The following RUFY3 variants were observed in gnomAD, a reference collection of about 807,000 sequenced individuals.
RUFY3 encodes the protein protein RUFY3.
Under a neutral mutation model 84.0 loss-of-function variants are expected in RUFY3, and 34 were observed. That is an observed-to-expected ratio of 0.40 (90% CI 0.31 to 0.54). RUFY3 has a LOEUF of 0.54. Ranked by LOEUF, RUFY3 falls within the 20% of genes least tolerant of loss-of-function variation. The pLI, the probability that RUFY3 is intolerant of heterozygous loss-of-function variation, is 0.39. For synonymous variants in RUFY3, 242 were observed against 252.9 expected (o/e 0.96, Z 0.41); for missense variants, 507 against 736.8 (o/e 0.69, Z 3.61).
At chr4:70,798,693 A>G (rs1731836954) in intron 14 of RUFY3, among the ~76,000 whole-genome samples, 2 of 152,068 alleles carry the variant, frequency 1.3e-5, no homozygotes, top group Non-Finnish European at 2.9e-5. Context: ...GAGGCCAGAG[A>G]ATCGCTTGAA....
rs1731161014 is a variant in RUFY3, at chr4:70,793,771, T to TG, written c.1338-12dup. The TG allele has an allele frequency of 6.2e-7, 1 of 1,613,940 alleles. No homozygotes were observed. The highest frequency in any genetic ancestry group is 1.3e-5 in the African/African-American group (1 of 75,046). On this transcript the variant is annotated splice_polypyrimidine_tract_variant and intron_variant, in intron 12 of 17. Coordinates refer to ENST00000381006, the MANE Select transcript of RUFY3 (RefSeq NM_001037442.4). ...TTTTGTTTTTTATCACAAGTTCATGTGGCTCACATCCAGATTGCGCCAGGC... is the reference window on the plus strand; with the variant it reads ...TTTTGTTTTTTATCACAAGTTCATGTGGGCTCACATCCAGATTGCGCCAGGC...
intron 1 of RUFY3, among the ~76,000 whole-genome samples, chr4:70,724,062 A>G (rs1717819307): frequency 6.6e-6 from 1 of 152,290 alleles, no homozygotes; most frequent in Non-Finnish European, 1.5e-5. Flanking sequence ...CTTTGGCTGT[A>G]TGTTTCGTTA....
intron 1 of RUFY3, among the ~76,000 whole-genome samples, chr4:70,708,145 A>G (rs1365737763): frequency 6.6e-6 from 1 of 152,200 alleles, no homozygotes; most frequent in African/African-American, 2.4e-5. Flanking sequence ...AATAAAATAC[A>G]TGAACACTTG....
intron 1 of RUFY3, among the ~76,000 whole-genome samples, chr4:70,733,159 AGAGAG>A (rs1560464354): frequency 2.2e-3 from 328 of 146,170 alleles, no homozygotes; most frequent in African/African-American, 8.5e-3. Flanking sequence ...AGAGAGAGAG[AGAGAG>A]AGAAAGAAAG....
Position 70,800,200 on chromosome 4 carries a change from C to A in RUFY3, c.1617C>A (p.Ser539Arg), listed in dbSNP as rs371881863. 3.1e-6 allele frequency: 5 copies of A among 1,601,594 alleles called. No homozygotes were observed. The African/African-American group carries it at 4.0e-5, about 13-fold the overall frequency. ...AACTAAAAAAGCCCCTGGAAGAAAG[C>A]CACAGGTGTTTGTTAATCAAGTATT... ...NVKLKKPLEE[S>R]HRLQPHPMDE... is the part of the protein sequence containing the mutation. The change falls in exon 15 of 18, where the codon AGC becomes AGA. Residue 539 changes from serine to arginine, a missense_variant. This residue lies in a region of RUFY3 where 334 missense variants were observed against 364.1 expected (regional missense o/e 0.92). Transcript: ENST00000381006.
chr4:70,787,587 G>A (rs1228723090), intron 10 of RUFY3, among the ~76,000 whole-genome samples: 2 of 151,908 alleles, frequency 1.3e-5, no homozygotes, highest in Admixed American at 1.3e-4. Context: ...TGAAAACAAA[G>A]CGATATTATT....
chr4:70,791,560 C>CAT, intron 12 of RUFY3: 1 of 1,276,076 alleles, frequency 7.8e-7, no homozygotes, highest in Non-Finnish European at 9.9e-7. Context: ...TCTGAGTTGA[C>CAT]CAATAAATAA....
intron 15 of RUFY3, among the ~76,000 whole-genome samples, chr4:70,801,135 C>T (rs547931434): frequency 4.5e-4 from 63 of 138,928 alleles, no homozygotes; most frequent in Non-Finnish European, 7.8e-4. Context: ...AGTTACATGA[C>T]ATTCTGGAAA....
intron 1 of RUFY3, among the ~76,000 whole-genome samples, chr4:70,726,572 C>T (rs1466257283): frequency 1.3e-5 from 2 of 152,182 alleles, no homozygotes; most frequent in Non-Finnish European, 2.9e-5. Flanking sequence ...AGGGTTTCTC[C>T]ATGTTGGTCA....
At chr4:70,765,205 A>AGG (rs1265201116) in intron 4 of RUFY3, among the ~76,000 whole-genome samples, 1 of 130,870 alleles carries the variant, frequency 7.6e-6, no homozygotes, top group African/African-American at 2.9e-5. Context: ...AAAAAAAAAA[A>AGG]TGTGTATATA....
intron 8 of RUFY3, among the ~76,000 whole-genome samples, chr4:70,782,842 GCAGAGGTTA>G (rs1212533436): frequency 6.6e-6 from 1 of 152,082 alleles, no homozygotes; most frequent in Non-Finnish European, 1.5e-5. Context: ...GAACCAGGAG[GCAGAGGTTA>G]CAGTGACCCG....
At chr4:70,771,215 C>T (rs1382250043) in intron 5 of RUFY3, among the ~76,000 whole-genome samples, 1 of 152,008 alleles carries the variant, frequency 6.6e-6, no homozygotes, top group Non-Finnish European at 1.5e-5. Flanking sequence ...AAAAATGGCA[C>T]TAATATACTT....
chr4:70,800,217 T>C lies in RUFY3; in HGVS notation c.1622+12T>C. The C allele has an allele frequency of 1.3e-6, 2 of 1,593,664 alleles. No individual in the cohort carries two copies. Among genetic ancestry groups the C allele is most frequent in the Non-Finnish European group, 1.7e-6 (2 of 1,172,390 alleles). On this transcript the variant is annotated intron_variant, in intron 15 of 17. Transcript: ENST00000381006. ...GAAGAAAGCCACAGGTGTTTGTTAA[T>C]CAAGTATTAACTAAGATGTAAAGTT...
At chr4:70,711,175 T>C (rs1460242398) in intron 1 of RUFY3, among the ~76,000 whole-genome samples, 1 of 149,988 alleles carries the variant, frequency 6.7e-6, no homozygotes, top group Non-Finnish European at 1.5e-5. Flanking sequence ...CCCAGGCTGG[T>C]CTTGGACTCC....
Position 70,773,492 on chromosome 4 carries a change from C to T in RUFY3, c.697-19C>T, listed in dbSNP as rs1727328095. 1.3e-6 allele frequency: 2 copies of T among 1,586,078 alleles called. No homozygotes were observed. Among genetic ancestry groups the T allele is most frequent in the Non-Finnish European group, 1.7e-6 (2 of 1,155,660 alleles). ...AGAATATCTAATTTTATATTAAAAC[C>T]TGAAAATTCTCTCTGTAGGTTGGAG... is the stretch of plus-strand genomic sequence containing the variant. On this transcript the variant is annotated intron_variant, in intron 5 of 17. Transcript: ENST00000381006.
chr4:70,722,596 C>T lies in RUFY3; in HGVS notation c.23C>T (p.Thr8Ile). 1 of 1,613,284 alleles carries T rather than the reference C, an allele frequency of 6.2e-7. No homozygotes were observed. Among genetic ancestry groups the T allele is most frequent in the East Asian group, 2.2e-5 (1 of 44,872 alleles). Residue 8 changes from threonine (T) to isoleucine (I), a missense_variant, in exon 1 of 18, where the codon ACC becomes ATC. Thr to Ile is a moderately conservative substitution (Grantham distance 89). Transcript: ENST00000381006. The part of the protein sequence containing the change: MSALTPP[T>I]DMPTPTTDKI... ...ATCATGTCTGCTCTGACGCCTCCGACCGATATGCCAACCCCCACCACTGAC... is the reference window on the plus strand; with the variant it reads ...ATCATGTCTGCTCTGACGCCTCCGATCGATATGCCAACCCCCACCACTGAC...
At chr4:70,799,176 G>T (rs1317754206) in intron 14 of RUFY3, among the ~76,000 whole-genome samples, 1 of 150,510 alleles carries the variant, frequency 6.6e-6, no homozygotes, top group African/African-American at 2.4e-5. Context: ...AAAGAAAAAA[G>T]AAATGCAGTT....
intron 1 of RUFY3, among the ~76,000 whole-genome samples, chr4:70,727,513 G>A (rs1457414401): frequency 2.0e-5 from 3 of 150,384 alleles, no homozygotes; most frequent in Non-Finnish European, 3.0e-5. Context: ...ACGCCACCAC[G>A]CCTGGGTAAT....
intron 1 of RUFY3, among the ~76,000 whole-genome samples, chr4:70,711,188 G>A (rs1219411700): frequency 6.6e-6 from 1 of 151,698 alleles, no homozygotes; most frequent in African/African-American, 2.4e-5. Flanking sequence ...TGGACTCCTG[G>A]GCTCAGGTGA....
Sources: allele counts gnomAD v4.1 joint callset (sites outside exome capture counted in the v4.1 genomes callset), GRCh38; gene constraint gnomAD v4.1.1; regional missense constraint gnomAD v4.1.1; transcripts MANE v1.5; gene names NCBI Gene and HGNC (gene_info 2026-07-23, HGNC 2026-07-21).